The following ENOX1 variants were observed in gnomAD, a reference collection of about 807,000 sequenced individuals.
ENOX1 encodes the protein ecto-NOX disulfide-thiol exchanger 1, also known as candidate growth-related and time keeping constitutive hydroquinone (NADH) oxidase.
Under a neutral mutation model 82.5 loss-of-function variants are expected in ENOX1, and 42 were observed. The ratio of observed to expected loss-of-function variants is 0.51; its 90% confidence interval spans 0.40 to 0.66. The LOEUF is 0.66. Ranked by LOEUF, ENOX1 falls within the 30% of genes least tolerant of loss-of-function variation. The probability of loss-of-function intolerance (pLI) is 0.00; values close to 1 mark genes in which losing one functional copy is unlikely to be tolerated. For missense variants in ENOX1, 608 were observed against 811.6 expected, an observed-to-expected ratio of 0.75 and a Z score of 3.05; for synonymous variants, 271 against 282.2, an observed-to-expected ratio of 0.96 and a Z score of 0.40.
At chr13:43,546,837 C>G (rs1490864779) in intron 2 of ENOX1, 2 of 152,170 alleles carry the variant, frequency 1.3e-5, no homozygotes, top group Admixed American at 1.3e-4. Context: ...ATAGTCAAAA[C>G]AGTACAATTT....
At chr13:43,576,173 G>T (rs962837391) in intron 2 of ENOX1, among the ~76,000 whole-genome samples, 11 of 152,172 alleles carry the variant, frequency 7.2e-5, no homozygotes, top group Admixed American at 3.9e-4. Context: ...TGCCTACTTA[G>T]ATTGGCACCA....
intron 2 of ENOX1, among the ~76,000 whole-genome samples, chr13:43,549,301 A>C (rs918820699): frequency 3.3e-5 from 5 of 152,224 alleles, no homozygotes; most frequent in Non-Finnish European, 7.3e-5. Flanking sequence ...TAATGTCTCT[A>C]TCTTGTAAAC....
At chr13:43,748,921 T>G (rs1480133791) in intron 1 of ENOX1, among the ~76,000 whole-genome samples, 1 of 152,226 alleles carries the variant, frequency 6.6e-6, no homozygotes, top group Admixed American at 6.5e-5. Context: ...TTTAAATTTT[T>G]TTGTACCACT....
chr13:43,588,915 C>T (rs2081114409), intron 2 of ENOX1, among the ~76,000 whole-genome samples: 1 of 151,978 alleles, frequency 6.6e-6, no homozygotes, highest in Non-Finnish European at 1.5e-5. Context: ...TATGCACTTG[C>T]CAGAGGTGGG....
chr13:43,560,249 CTATTGG>C (rs1446516332), intron 2 of ENOX1, among the ~76,000 whole-genome samples: 2 of 151,978 alleles, frequency 1.3e-5, no homozygotes, highest in African/African-American at 4.8e-5. Context: ...ACCTATATTC[CTATTGG>C]TATGCTTTTA....
chr13:43,690,603 T>C (rs17064908), intron 1 of ENOX1, among the ~76,000 whole-genome samples: 3,215 of 152,280 alleles, frequency 0.021, 129 homozygotes, highest in African/African-American at 0.074. Flanking sequence ...AATTAATTTT[T>C]CGTTTGATTT....
At chr13:43,459,477 AAAGT>A (rs2057369771) in intron 3 of ENOX1, 1 of 152,220 alleles carries the variant, frequency 6.6e-6, no homozygotes, top group South Asian at 2.1e-4. Flanking sequence ...TAAACTGCTA[AAAGT>A]ATTTTTATTA....
At chr13:43,483,160 T>C (rs985003138) in intron 3 of ENOX1, among the ~76,000 whole-genome samples, 3 of 152,188 alleles carry the variant, frequency 2.0e-5, no homozygotes, top group Non-Finnish European at 4.4e-5. Flanking sequence ...GGAAAAGATG[T>C]GTCATGCTAG....
chr13:43,564,610 T>C (rs984308437), intron 2 of ENOX1, among the ~76,000 whole-genome samples: 1 of 152,120 alleles, frequency 6.6e-6, no homozygotes, highest in Non-Finnish European at 1.5e-5. Flanking sequence ...TGTGACTGGA[T>C]AGTAGGAGAG....
chr13:43,314,104 A>C (rs2047353933), intron 11 of ENOX1, among the ~76,000 whole-genome samples: 1 of 152,140 alleles, frequency 6.6e-6, no homozygotes, highest in African/African-American at 2.4e-5. Flanking sequence ...TCTAAAATAA[A>C]ATTTTCTTTC....
At chr13:43,373,169 TA>T (rs72056475) in intron 5 of ENOX1, among the ~76,000 whole-genome samples, 1,927 of 144,904 alleles carry the variant, frequency 0.013, 23 homozygotes, top group Middle Eastern at 0.046. Context: ...GTCCTTCCTT[TA>T]AAAAAAAAAA....
chr13:43,214,201 C>T (rs2041338432), intron 16 of ENOX1, 80 bp from the exon 17 acceptor site: 1 of 1,460,368 alleles, frequency 6.8e-7, no homozygotes, highest in South Asian at 1.3e-5. Context: ...GATGAGCTTT[C>T]CCAGTGATAT....
At chr13:43,466,158 T>G (rs938519397) in intron 3 of ENOX1, among the ~76,000 whole-genome samples, 13 of 117,214 alleles carry the variant, frequency 1.1e-4, no homozygotes, top group Non-Finnish European at 2.2e-4. Flanking sequence ...ACATATATTG[T>G]CTATTTTTTT....
At chr13:43,731,357 G>C (rs2089330904) in intron 1 of ENOX1, among the ~76,000 whole-genome samples, 1 of 152,106 alleles carries the variant, frequency 6.6e-6, no homozygotes, top group Non-Finnish European at 1.5e-5. Flanking sequence ...TCAGTTCTCT[G>C]CCACTTTCCA....
In ENOX1 at chr13:43,470,784, A is replaced by T. The variant is rs111740881; in HGVS notation, c.-75+13225T>A. On this transcript the variant is annotated intron_variant, in intron 3 of 16. Coordinates refer to ENST00000690772, the MANE Select transcript of ENOX1 (RefSeq NM_001347969.2). ...CATATGAAAATGATTTCGACATATT[A>T]GTCATCAAGGAAAAGGCATATTAGA... 3.2e-3 allele frequency among the ~76,000 whole-genome samples: 493 copies of T among 152,234 alleles called. 2 individuals carry two copies. Among genetic ancestry groups the T allele is most frequent in the African/African-American group, 0.011 (462 of 41,552 alleles).
In ENOX1 at chr13:43,246,635, TGAA is replaced by T. The variant is rs567556701; in HGVS notation, c.1612-9900_1612-9898del. ...TTCAAAGGCAGAGTGCTGGGGCCAATGAAGAAGAAGAGGTGGGACACATGCTCT... is the reference window on the plus strand; with the variant it reads ...TTCAAAGGCAGAGTGCTGGGGCCAATGAAGAAGAGGTGGGACACATGCTCT... On this transcript the variant is annotated intron_variant, in intron 14 of 16. Coordinates refer to ENST00000690772, the MANE Select transcript of ENOX1 (RefSeq NM_001347969.2). 8.9e-4 allele frequency among the ~76,000 whole-genome samples: 135 copies of T among 152,244 alleles called. No individual in the cohort carries two copies. In the South Asian group the frequency reaches 0.012, roughly 13 times the overall value.
At chr13:43,402,337 G>C (rs983058713) in intron 5 of ENOX1, among the ~76,000 whole-genome samples, 1 of 152,170 alleles carries the variant, frequency 6.6e-6, no homozygotes, top group Non-Finnish European at 1.5e-5. Flanking sequence ...AAAATCTATA[G>C]TTTAGACAGT....
chr13:43,464,695 G>A lies in ENOX1; in HGVS notation c.-75+19314C>T, dbSNP rs372576754. ...CACTGTTAACATCTCACATTACCAT[G>A]GCCTGGTACGTTTGTGACAACTAAG... is the stretch of plus-strand genomic sequence containing the variant. On this transcript the variant is annotated intron_variant, in intron 3 of 16. Transcript: ENST00000690772. 3.7e-4 allele frequency among the ~76,000 whole-genome samples: 56 copies of A among 152,216 alleles called. 2 individuals are homozygous for A. The South Asian group carries it at 0.011, about 31-fold the overall frequency.
chr13:43,664,875 C>T (rs370194154), intron 2 of ENOX1, among the ~76,000 whole-genome samples: 190 of 152,276 alleles, frequency 1.2e-3, no homozygotes, highest in African/African-American at 4.3e-3. Flanking sequence ...AAATGAATTT[C>T]TACTTTCATT....
Sources: gnomAD v4.1 joint callset for allele counts (sites outside exome capture counted in the v4.1 genomes callset) on GRCh38, gnomAD v4.1.1 for gene constraint, MANE v1.5 for transcripts, NCBI Gene and HGNC (gene_info 2026-07-23, HGNC 2026-07-21) for gene names.